The following EFTUD2 variants were observed in gnomAD, a reference collection of about 807,000 sequenced individuals.
The protein encoded by EFTUD2 is elongation factor Tu GTP binding domain containing 2, also known as 116 kDa U5 small nuclear ribonucleoprotein component.
EFTUD2 carries 9 observed loss-of-function variants against 114.3 expected under a neutral mutation model. The ratio of observed to expected loss-of-function variants is 0.08; its 90% CI spans 0.05 to 0.14. EFTUD2 has a LOEUF of 0.14. Ranked by LOEUF, EFTUD2 falls within the 10% of genes least tolerant of loss-of-function variation. The pLI is 1.00. For missense variants in EFTUD2, 765 were observed against 1,241.2 expected, an observed-to-expected ratio of 0.62 and a Z score of 5.76; for synonymous variants, 449 against 462.3, an observed-to-expected ratio of 0.97 and a Z score of 0.37.
Position 44,854,062 on chromosome 17 carries a change from T to C in EFTUD2, c.2347+207A>G. On this transcript the variant is annotated intron_variant, in intron 23 of 27. Coordinates refer to ENST00000426333, the MANE Select transcript of EFTUD2 (RefSeq NM_004247.4). This position sits in a 1 kb window ranked among gnomAD's most constrained non-coding sequence, Gnocchi z 4.3. ...CTCAGAAATGAGGAGCAAATGACAG[T>C]TTAGAAATGACTTAAATTTCCATTT... 7.1e-7 allele frequency: 1 copy of C among 1,399,440 alleles called. No homozygotes were observed. The highest frequency in any genetic ancestry group is 9.2e-7 in the Non-Finnish European group (1 of 1,082,730). The allele number at this position is 1,399,440 out of a possible 1,614,324, so 86.7% of individuals were successfully genotyped here. A position where few individuals can be genotyped will look rare whatever the true frequency, so the allele number is the denominator to read the frequency against.
chr17:44,850,614 G>A lies in EFTUD2; in HGVS notation c.*660C>T. ...GCAAGGAAGATTCTTAGGGGAGGCA[G>A]CAGTTTCCTGAGGAGGTGGTGGGGT... On this transcript the variant is annotated 3_prime_UTR_variant, in exon 28 of 28. Coordinates refer to ENST00000426333, the MANE Select transcript of EFTUD2 (RefSeq NM_004247.4). 1 of 483,996 alleles carries A rather than the reference G, an allele frequency of 2.1e-6. No individual in the cohort carries two copies. The highest frequency in any genetic ancestry group is 3.2e-5 in the East Asian group (1 of 31,184). 30.0% of individuals were successfully genotyped at this position (483,996 alleles called of 1,614,324 possible).
intron 19 of EFTUD2, chr17:44,857,360 T>G (rs1239613676): frequency 2.0e-6 from 1 of 489,376 alleles, no homozygotes; most frequent in Non-Finnish European, 3.8e-6. Context: ...CTTACTGTAG[T>G]AAAGAAATTA....
At chr17:44,872,695 A>T in intron 10 of EFTUD2, 125 bp from the exon 11 acceptor site, 1 of 1,268,932 alleles carries the variant, frequency 7.9e-7, no homozygotes, top group Non-Finnish European at 1.0e-6. Context: ...TGTGCAAGAC[A>T]CTCAGTTTTG....
In EFTUD2 at chr17:44,858,733, A is replaced by G. The variant is rs1353622378; in HGVS notation, c.1962+347T>C. The stretch of plus-strand genomic sequence containing the variant: ...GCTGCAATTACAGCAACGGACCACC[A>G]TGCCCGGCCTGGCTATTTTTTTTAT... On this transcript the variant is annotated intron_variant, in intron 19 of 27. Transcript: ENST00000426333. Among the ~76,000 whole-genome samples, 3 of 152,160 alleles carry G rather than the reference A, an allele frequency of 2.0e-5. No individual in the cohort carries two copies. The East Asian group carries it at 5.8e-4, about 29-fold the overall frequency.
intron 11 of EFTUD2, among the ~76,000 whole-genome samples, chr17:44,870,788 G>C (rs1487706712): frequency 2.0e-5 from 3 of 152,114 alleles, no homozygotes; most frequent in African/African-American, 4.8e-5. Context: ...GAGAGGCCGA[G>C]GTGGGCGGAT....
At chr17:44,881,566 GGAGA>G (rs1451008647) in intron 7 of EFTUD2, 117 bp downstream of exon 7, 1 of 1,039,472 alleles carries the variant, frequency 9.6e-7, no homozygotes, top group Admixed American at 1.9e-5. Flanking sequence ...TGTGAGAAGT[GGAGA>G]GAGAGGAGTA....
At chr17:44,898,375 G>A (rs776946355) in intron 1 of EFTUD2, among the ~76,000 whole-genome samples, 5 of 152,008 alleles carry the variant, frequency 3.3e-5, no homozygotes, top group Non-Finnish European at 7.4e-5. Flanking sequence ...GCACCACTAC[G>A]CCTGGCTAAT....
rs1010333912 is a variant in EFTUD2, at chr17:44,853,804, C to T, written c.2348-169G>A. 6.9e-6 allele frequency: 10 copies of T among 1,446,478 alleles called. No individual in the cohort carries two copies. In the African/African-American group the frequency reaches 1.4e-4, roughly 21 times the overall value. 89.6% of individuals were successfully genotyped at this position (1,446,478 alleles called of 1,614,324 possible). A position where few individuals can be genotyped will look rare whatever the true frequency, so the allele number is the denominator to read the frequency against. ...CTAACTGAATAAGCAAGGCCCATGG[C>T]AGAGGTCAGAAGTTAAGCATATGTT... On this transcript the variant is annotated intron_variant, in intron 23 of 27. Transcript: ENST00000426333.
chr17:44,852,400 C>T lies in EFTUD2; in HGVS notation c.2715+9G>A, dbSNP rs1344446700. On this transcript the variant is annotated intron_variant, in intron 26 of 27. Transcript: ENST00000426333. ...AAGCCAAGTCCGCCAGCCTGCATTG[C>T]TTTCTCACCTGCCAGTGGTGGAAGA... 6.2e-7 allele frequency: 1 copy of T among 1,613,836 alleles called. No homozygotes were observed. Among genetic ancestry groups the T allele is most frequent in the Non-Finnish European group, 8.5e-7 (1 of 1,179,962 alleles).
intron 9 of EFTUD2, among the ~76,000 whole-genome samples, chr17:44,876,774 AC>A (rs1233332962): frequency 7.5e-6 from 1 of 134,042 alleles, no homozygotes; most frequent in African/African-American, 2.9e-5. Flanking sequence ...AATGGCGTGA[AC>A]CCGGGAGGCA....
chr17:44,883,483 A>G (rs1247968526), intron 5 of EFTUD2, 166 bp downstream of exon 5: 2 of 692,232 alleles, frequency 2.9e-6, no homozygotes, highest in Non-Finnish European at 4.9e-6. Flanking sequence ...GCTGCTTGGG[A>G]AAAGCCAGAA....
At chr17:44,851,685 G>T in intron 27 of EFTUD2, 25 bp downstream of exon 27, 1 of 1,550,578 alleles carries the variant, frequency 6.4e-7, no homozygotes, top group Non-Finnish European at 8.7e-7. Context: ...GTTGAGGGAT[G>T]GCAACAGGCC....
Position 44,854,206 on chromosome 17 carries a change from C to T in EFTUD2, c.2347+63G>A, listed in dbSNP as rs1306541568. ...AATCCTAAAGATGGTGAGCCCATCC[C>T]ACTCATATGCCTGGCTGCAAGGACC... On this transcript the variant is annotated intron_variant, in intron 23 of 27. Transcript: ENST00000426333. This position sits in a 1 kb window ranked among gnomAD's most constrained non-coding sequence, Gnocchi z 4.3. The T allele has an allele frequency of 4.3e-5, 65 of 1,523,018 alleles. No homozygotes were observed. The highest frequency in any genetic ancestry group is 5.8e-5 in the Non-Finnish European group (65 of 1,121,232). 94.3% of individuals were successfully genotyped at this position (1,523,018 alleles called of 1,614,324 possible). A position where few individuals can be genotyped will look rare whatever the true frequency, so the allele number is the denominator to read the frequency against.
chr17:44,890,964 T>C (rs2051268335), intron 2 of EFTUD2, among the ~76,000 whole-genome samples: 1 of 152,098 alleles, frequency 6.6e-6, no homozygotes, highest in African/African-American at 2.4e-5. Context: ...CACTGGATTA[T>C]TAATTACGGC....
At chr17:44,890,548 CG>C (rs2051261139) in intron 2 of EFTUD2, among the ~76,000 whole-genome samples, 1 of 151,664 alleles carries the variant, frequency 6.6e-6, no homozygotes, top group Non-Finnish European at 1.5e-5. Flanking sequence ...CAAAACTAGC[CG>C]GGCGTGGACG....
chr17:44,858,586 T>G (rs956555289), intron 19 of EFTUD2, among the ~76,000 whole-genome samples: 1 of 151,894 alleles, frequency 6.6e-6, no homozygotes. Context: ...AGCCCCCCAG[T>G]AGCTGGACTA....
rs1294432719 is a variant in EFTUD2 at position 44,885,333 on chromosome 17, T to A, written c.273A>T (p.Glu91Asp). ...TGGTTTTCACTGGCTTAATAATGGG[T>A]TCTAGAAGAAAAAAAAAAGGTAGTG... is the stretch of plus-strand genomic sequence containing the variant. ...VQEEDTQPLTEPIIKPVKTKK... is the reference protein window; with the variant it reads ...VQEEDTQPLTDPIIKPVKTKK... The change falls in exon 4 of 28, where the codon GAA becomes GAT. Residue 91 changes from glutamate (E) to aspartate (D), a missense_variant and splice_region_variant. By Grantham distance (45) the Glu-to-Asp change is conservative. Around this residue, in one of 6 missense-constraint regions of EFTUD2, gnomAD observed 121 missense variants for 133.7 expected, o/e 0.90. Coordinates refer to ENST00000426333, the MANE Select transcript of EFTUD2 (RefSeq NM_004247.4). The A allele has an allele frequency of 6.2e-7, 1 of 1,611,806 alleles. No homozygotes were observed.
chr17:44,873,429 C>A (rs937924757), intron 10 of EFTUD2, among the ~76,000 whole-genome samples: 2 of 152,104 alleles, frequency 1.3e-5, no homozygotes, highest in Admixed American at 1.3e-4. Flanking sequence ...AATCACCATT[C>A]ACTGTAGCCT....
intron 20 of EFTUD2, among the ~76,000 whole-genome samples, chr17:44,856,045 C>T (rs1046224013): frequency 9.6e-5 from 14 of 145,286 alleles, no homozygotes; most frequent in Admixed American, 4.9e-4. Context: ...GTAGGAGGAT[C>T]GCTTGAGCTC....
Sources: allele counts gnomAD v4.1 joint callset (sites outside exome capture counted in the v4.1 genomes callset), GRCh38; gene constraint gnomAD v4.1.1; regional missense constraint gnomAD v4.1.1; non-coding constraint Gnocchi (gnomAD v3.1); transcripts MANE v1.5; gene names NCBI Gene and HGNC (gene_info 2026-07-23, HGNC 2026-07-21).